CKM: variants seen among roughly 807,000 people sequenced by gnomAD.
CKM encodes creatine kinase, M-type, also known as creatine kinase M-type.
In CKM, 28 loss-of-function variants were observed where a neutral mutation model predicts 35.4. The ratio of observed to expected loss-of-function variants is 0.79; its 90% CI spans 0.59 to 1.08. The LOEUF (loss-of-function observed/expected upper bound fraction) is 1.08, where lower values mean the gene tolerates loss of function less well. Ranked by LOEUF, CKM falls within the 50% of genes least tolerant of loss-of-function variation. The pLI is 0.00. For missense variants in CKM, 484 were observed against 509.8 expected (o/e 0.95, Z 0.49); for synonymous variants, 215 against 204.4 (o/e 1.05, Z -0.44).
intron 7 of CKM, 76 bp from the exon 8 acceptor site, chr19:45,307,004 T>C: frequency 6.8e-7 from 1 of 1,467,782 alleles, no homozygotes; most frequent in Non-Finnish European, 9.5e-7. Flanking sequence ...CCGTGCCAAA[T>C]GCAACAGCCG....
intron 5 of CKM, among the ~76,000 whole-genome samples, chr19:45,309,615 A>G (rs926975113): frequency 2.6e-5 from 4 of 150,980 alleles, no homozygotes; most frequent in African/African-American, 7.3e-5. Flanking sequence ...TAATCCCAGC[A>G]CTTTGGGAGG....
intron 4 of CKM, among the ~76,000 whole-genome samples, chr19:45,313,742 G>A (rs989754117): frequency 7.2e-5 from 11 of 152,184 alleles, no homozygotes; most frequent in African/African-American, 1.9e-4. Context: ...AGCTACTTGG[G>A]TGGCTGAGAC....
chr19:45,315,156 G>A (rs1023800449), intron 4 of CKM, among the ~76,000 whole-genome samples: 1 of 152,124 alleles, frequency 6.6e-6, no homozygotes, highest in Non-Finnish European at 1.5e-5. Context: ...AACAGTGAGG[G>A]ACCCCTATCT....
At chr19:45,322,426 C>T (rs928165935) in intron 1 of CKM, among the ~76,000 whole-genome samples, 7 of 152,228 alleles carry the variant, frequency 4.6e-5, no homozygotes, top group African/African-American at 1.2e-4. Context: ...GACACCTGCT[C>T]TTGCAGACTC....
chr19:45,309,416 T>TGGTG (rs749125929), intron 5 of CKM, among the ~76,000 whole-genome samples: 13 of 151,044 alleles, frequency 8.6e-5, no homozygotes, highest in Non-Finnish European at 1.9e-4. Flanking sequence ...TTAGCAGGCA[T>TGGTG]GGTGGGACAC....
At chr19:45,314,160 GAAGAA>G (rs974458779) in intron 4 of CKM, among the ~76,000 whole-genome samples, 32 of 149,026 alleles carry the variant, frequency 2.1e-4, no homozygotes, top group Admixed American at 1.8e-3. Flanking sequence ...AGGAAGGGAG[GAAGAA>G]AAGAAAGGAA....
intron 4 of CKM, among the ~76,000 whole-genome samples, chr19:45,314,421 C>CT (rs532104483): frequency 5.4e-5 from 8 of 149,322 alleles, no homozygotes; most frequent in Non-Finnish European, 8.9e-5. Context: ...ATAAACATAA[C>CT]TTTTTTTTTT....
At chr19:45,317,004 A>G (rs1019694260) in intron 3 of CKM, among the ~76,000 whole-genome samples, 2 of 150,290 alleles carry the variant, frequency 1.3e-5, no homozygotes, top group African/African-American at 4.9e-5. Flanking sequence ...CCTTTTCTAC[A>G]TGCTTTTGTG....
intron 5 of CKM, among the ~76,000 whole-genome samples, chr19:45,309,601 CT>C (rs988326708): frequency 2.0e-5 from 3 of 148,400 alleles, no homozygotes; most frequent in Non-Finnish European, 3.0e-5. Context: ...GTGGCTCACG[CT>C]TGTAATCCCA....
chr19:45,315,784 T>G (rs1971151955), intron 3 of CKM, among the ~76,000 whole-genome samples, 187 bp from the exon 4 acceptor site: 1 of 151,772 alleles, frequency 6.6e-6, no homozygotes, highest in Non-Finnish European at 1.5e-5. Context: ...TCTCTGTCTC[T>G]CTCCCCTCTC....
chr19:45,319,773 C>T, intron 1 of CKM, 42 bp from the exon 2 acceptor site: 1 of 1,463,358 alleles, frequency 6.8e-7, no homozygotes, highest in Non-Finnish European at 9.4e-7. Context: ...GATTAGCTGG[C>T]ATCTTTTTTC....
At chr19:45,322,598 C>A (rs1211239984) in intron 1 of CKM, among the ~76,000 whole-genome samples, 1 of 152,190 alleles carries the variant, frequency 6.6e-6, no homozygotes, top group Non-Finnish European at 1.5e-5. Flanking sequence ...AAGACTTGTG[C>A]CGCAGAAATC....
chr19:45,307,413 G>A (rs758859430), intron 7 of CKM, 48 bp downstream of exon 7: 12 of 1,576,556 alleles, frequency 7.6e-6, no homozygotes, highest in African/African-American at 1.3e-5. Context: ...CCCTGCAAAG[G>A]GCCCTCGCTC....
chr19:45,313,285 G>A (rs1398313267), intron 4 of CKM, among the ~76,000 whole-genome samples: 1 of 152,044 alleles, frequency 6.6e-6, no homozygotes, highest in South Asian at 2.1e-4. Context: ...CTGTCATGGC[G>A]ATCCGTGATC....
intron 4 of CKM, among the ~76,000 whole-genome samples, chr19:45,314,145 AGGG>A (rs1568511002): frequency 2.7e-5 from 4 of 150,198 alleles, no homozygotes; most frequent in African/African-American, 9.8e-5. Context: ...GAGGGAAGGA[AGGG>A]AAGGAAGGGA....
At chr19:45,308,317 G>A in intron 6 of CKM, 92 bp downstream of exon 6, 1 of 1,512,908 alleles carries the variant, frequency 6.6e-7, no homozygotes, top group Admixed American at 1.7e-5. Flanking sequence ...GGGTGGGGCA[G>A]GGCTTAGTAT....
At position 45,319,426 on chromosome 19, in the gene CKM, G is replaced by C. The variant is rs568403379; in HGVS notation, c.193+95C>G. The stretch of plus-strand genomic sequence containing the variant: ...CCATTTTACAGATGAGAAAACTGAG[G>C]CCCCCCCCCCTTCAAGGGTGGTGGG... On this transcript the variant is annotated intron_variant, in intron 2 of 7. Coordinates refer to ENST00000221476, the MANE Select transcript of CKM (RefSeq NM_001824.5). 6.4e-4 allele frequency: 527 copies of C among 817,570 alleles called. No individual in the cohort carries two copies. The East Asian group carries it at 6.7e-3, about 10-fold the overall frequency. The allele number at this position is 817,570 out of a possible 1,614,324, so 50.6% of individuals were successfully genotyped here.
chr19:45,317,533 C>T (rs1020840958), intron 3 of CKM, among the ~76,000 whole-genome samples: 6 of 151,634 alleles, frequency 4.0e-5, no homozygotes, highest in South Asian at 2.1e-4. Context: ...GTGATCTGCC[C>T]GCCTTGGCCT....
Position 45,306,521 on chromosome 19 carries a change from G to C in CKM, c.*229C>G, listed in dbSNP as rs1319203995. 1 of 577,986 alleles carries C rather than the reference G, an allele frequency of 1.7e-6. No individual in the cohort carries two copies. Among genetic ancestry groups the C allele is most frequent in the African/African-American group, 1.9e-5 (1 of 53,410 alleles). The allele number at this position is 577,986 out of a possible 1,614,324, so 35.8% of individuals were successfully genotyped here. On this transcript the variant is annotated 3_prime_UTR_variant, in exon 8 of 8. Coordinates refer to ENST00000221476, the MANE Select transcript of CKM (RefSeq NM_001824.5). The surrounding 1 kb of genome is among the most constrained non-coding windows in gnomAD (Gnocchi z 4.5). ...GAGCTCCTGGTTGGGGTGGAGCTCT[G>C]GGAAAAGAAGAGGACCCTGCCAGGG...
Sources: gnomAD v4.1 joint callset for allele counts (sites outside exome capture counted in the v4.1 genomes callset) on GRCh38, gnomAD v4.1.1 for gene constraint, Gnocchi (gnomAD v3.1) non-coding constraint, MANE v1.5 for transcripts, NCBI Gene and HGNC (gene_info 2026-07-23, HGNC 2026-07-21) for gene names.